The following DYM variants were observed in gnomAD, a reference collection of about 807,000 sequenced individuals.
DYM encodes dymeclin.
A neutral mutation model predicts 93.1 loss-of-function variants in DYM; 78 were observed. That is an observed-to-expected ratio of 0.84 (90% CI 0.70 to 1.01). The LOEUF (loss-of-function observed/expected upper bound fraction) is 1.01. DYM is among the 50% of genes least tolerant of loss of function. DYM has a pLI of 0.00. For missense variants in DYM, 789 were observed against 845.0 expected (o/e 0.93, Z 0.82); for synonymous variants, 321 against 319.7 (o/e 1.00, Z -0.04).
intron 17 of DYM, among the ~76,000 whole-genome samples, chr18:49,080,341 C>T (rs555145746): frequency 1.5e-5 from 2 of 131,826 alleles, no homozygotes; most frequent in Admixed American, 1.5e-4. Flanking sequence ...GGGGGCTGAC[C>T]CCCCCCAACT....
chr18:49,318,889 C>T (rs1346785150), intron 8 of DYM, among the ~76,000 whole-genome samples: 1 of 149,800 alleles, frequency 6.7e-6, no homozygotes, highest in Non-Finnish European at 1.5e-5. Context: ...TAACCTCCGC[C>T]CTCTGAGTTC....
chr18:49,283,010 T>A (rs545737515), intron 9 of DYM, among the ~76,000 whole-genome samples: 12 of 152,342 alleles, frequency 7.9e-5, no homozygotes, highest in African/African-American at 2.6e-4. Context: ...CATATTCCCA[T>A]AAATTAATCA....
intron 8 of DYM, among the ~76,000 whole-genome samples, chr18:49,319,563 T>C (rs1484251175): frequency 6.6e-6 from 1 of 151,934 alleles, no homozygotes; most frequent in Non-Finnish European, 1.5e-5. Context: ...GGTAAACGAG[T>C]ATTTGTTTTC....
At chr18:49,357,515 A>G (rs2065664046) in intron 6 of DYM, among the ~76,000 whole-genome samples, 1 of 152,202 alleles carries the variant, frequency 6.6e-6, no homozygotes, top group Non-Finnish European at 1.5e-5. Context: ...AATGTCAGTA[A>G]GACACCCTGT....
chr18:49,057,006 T>A (rs1344429903), intron 17 of DYM, among the ~76,000 whole-genome samples: 2 of 152,248 alleles, frequency 1.3e-5, no homozygotes, highest in African/African-American at 2.4e-5. Flanking sequence ...TTCCTGCTTT[T>A]ACCCTTTCCT....
intron 14 of DYM, among the ~76,000 whole-genome samples, chr18:49,180,350 T>C (rs969168396): frequency 1.3e-5 from 2 of 152,118 alleles, no homozygotes; most frequent in Non-Finnish European, 2.9e-5. Context: ...TGATTAGTTG[T>C]TATTTTCATA....
Position 49,320,093 on chromosome 18 carries a change from T to C in DYM, c.763+11771A>G, listed in dbSNP as rs564277248. 2.6e-3 allele frequency among the ~76,000 whole-genome samples: 390 copies of C among 152,336 alleles called. 2 individuals carry two copies. The highest frequency in any genetic ancestry group is 8.8e-3 in the African/African-American group (367 of 41,564). On this transcript the variant is annotated intron_variant, in intron 8 of 17. Coordinates refer to ENST00000675505, the MANE Select transcript of DYM (RefSeq NM_001353214.3). ...AGAAATTACATAACTTTCCCAAGTA[T>C]AGAGCTTATTAGCGTGCAGTCAGGT...
intron 15 of DYM, among the ~76,000 whole-genome samples, chr18:49,122,501 C>G (rs887606481): frequency 6.6e-6 from 1 of 152,182 alleles, no homozygotes; most frequent in Non-Finnish European, 1.5e-5. Context: ...GCCTGATGAT[C>G]TGAGGTGGAA....
At chr18:49,393,059 GGGA>G (rs1219173978) in intron 2 of DYM, among the ~76,000 whole-genome samples, 6 of 134,082 alleles carry the variant, frequency 4.5e-5, no homozygotes, top group East Asian at 2.6e-4. Flanking sequence ...AGGGGAGGAG[GGGA>G]GGAGGAGGAG....
intron 14 of DYM, among the ~76,000 whole-genome samples, chr18:49,198,631 T>G (rs987484696): frequency 6.6e-6 from 1 of 151,874 alleles, no homozygotes; most frequent in African/African-American, 2.4e-5. Flanking sequence ...GAAAAAATGC[T>G]CATCATCACT....
intron 2 of DYM, among the ~76,000 whole-genome samples, chr18:49,415,427 T>C (rs1190355687): frequency 6.7e-6 from 1 of 149,678 alleles, no homozygotes; most frequent in Non-Finnish European, 1.5e-5. Flanking sequence ...ATTATTTTTA[T>C]CTTTTTTTTT....
intron 6 of DYM, among the ~76,000 whole-genome samples, chr18:49,337,733 C>T (rs918567605): frequency 6.6e-6 from 1 of 152,052 alleles, no homozygotes; most frequent in Admixed American, 6.6e-5. Context: ...TCCGGCAAAT[C>T]CCATGAAAGA....
chr18:49,163,669 T>A lies in DYM; in HGVS notation c.1728+16A>T. ...GAAAGGAAAATTTTTTATTGATGAA[T>A]AAGGTAACTACTTACATAATCTGGT... On this transcript the variant is annotated intron_variant, in intron 15 of 17. Transcript: ENST00000675505. 6 of 1,573,900 alleles carry A rather than the reference T, an allele frequency of 3.8e-6. No individual in the cohort carries two copies. The highest frequency in any genetic ancestry group is 4.4e-6 in the Non-Finnish European group (5 of 1,146,680).
intron 6 of DYM, among the ~76,000 whole-genome samples, chr18:49,362,093 TGCATCCAAACA>T (rs1484120093): frequency 6.6e-6 from 1 of 151,338 alleles, no homozygotes; most frequent in Non-Finnish European, 1.5e-5. Flanking sequence ...CTCCAACTCC[TGCATCCAAACA>T]ATACACCTGC....
intron 8 of DYM, among the ~76,000 whole-genome samples, chr18:49,295,189 AAAATAATAAGGAAAG>A (rs2060445516): frequency 6.6e-6 from 1 of 152,212 alleles, no homozygotes; most frequent in African/African-American, 2.4e-5. Flanking sequence ...TAAGTATAGT[AAAATAATAAGGAAAG>A]AAAGTTTCAC....
At position 49,039,558 on chromosome 18, in the gene DYM, A is replaced by G. The variant is rs746624926; in HGVS notation, c.*4497T>C. ...TGAGCAGGTCAGACATGCTCACTGT[A>G]CCCTTTAAGTCTCTTACCCTCTATT... On this transcript the variant is annotated 3_prime_UTR_variant, in exon 18 of 18. Transcript: ENST00000675505. Among the ~76,000 whole-genome samples the G allele has an allele frequency of 6.6e-6, 1 of 151,418 alleles. No homozygotes were observed. Among genetic ancestry groups the G allele is most frequent in the Non-Finnish European group, 1.5e-5 (1 of 67,838 alleles).
At chr18:49,450,250 G>A (rs879568267) in intron 1 of DYM, among the ~76,000 whole-genome samples, 3 of 152,152 alleles carry the variant, frequency 2.0e-5, no homozygotes, top group Non-Finnish European at 2.9e-5. Context: ...CTAATCTGCC[G>A]TTTAACAAAA....
At chr18:49,335,061 C>T (rs1390765734) in intron 6 of DYM, among the ~76,000 whole-genome samples, 1 of 151,968 alleles carries the variant, frequency 6.6e-6, no homozygotes, top group Non-Finnish European at 1.5e-5. Flanking sequence ...GAGCCAAGAT[C>T]GTGCCATTGC....
At chr18:49,066,973 A>G (rs1255425771) in intron 17 of DYM, among the ~76,000 whole-genome samples, 2 of 152,260 alleles carry the variant, frequency 1.3e-5, no homozygotes, top group African/African-American at 4.8e-5. Context: ...AAAGGCAGAT[A>G]GCAGGTCCTT....
Sources: allele counts gnomAD v4.1 joint callset (sites outside exome capture counted in the v4.1 genomes callset), GRCh38; gene constraint gnomAD v4.1.1; transcripts MANE v1.5; gene names NCBI Gene and HGNC (gene_info 2026-07-23, HGNC 2026-07-21).